The following NT5C1B variants were observed in gnomAD, a reference collection of about 807,000 sequenced individuals.
NT5C1B encodes 5'-nucleotidase, cytosolic IB.
Under a neutral mutation model 57.8 loss-of-function variants are expected in NT5C1B, and 44 were observed. The ratio of observed to expected loss-of-function variants is 0.76; its 90% CI spans 0.60 to 0.98. The LOEUF (loss-of-function observed/expected upper bound fraction) is 0.98. Among genes scored for constraint, NT5C1B ranks in the 50% least tolerant of loss-of-function variants. The probability of loss-of-function intolerance (pLI) is 0.00; values close to 1 mark genes in which losing one functional copy is unlikely to be tolerated. For synonymous variants in NT5C1B, 284 were observed against 282.6 expected, an observed-to-expected ratio of 1.00 and a Z score of -0.05; for missense variants, 742 against 719.5, an observed-to-expected ratio of 1.03 and a Z score of -0.36.
intron 8 of NT5C1B, among the ~76,000 whole-genome samples, chr2:18,569,360 A>T (rs1399841709): frequency 6.6e-6 from 1 of 152,194 alleles, no homozygotes; most frequent in African/African-American, 2.4e-5. Context: ...CAGAAAAAAC[A>T]TAGGAAGATA....
In NT5C1B at chr2:18,571,752, A is replaced by G. The variant is rs182863769; in HGVS notation, c.1329+4432T>C. Among the ~76,000 whole-genome samples the G allele has an allele frequency of 3.7e-4, 24 of 65,502 alleles. 1 individual carries two copies. Among genetic ancestry groups the G allele is most frequent in the African/African-American group, 1.3e-3 (19 of 14,152 alleles). 43.0% of individuals were successfully genotyped at this position (65,502 alleles called of 152,430 possible). On this transcript the variant is annotated intron_variant, in intron 8 of 8. Coordinates refer to ENST00000304081, the Ensembl canonical transcript of NT5C1B. The stretch of plus-strand genomic sequence containing the variant: ...TATATATATATATATATATATATAT[A>G]TATATATATATATGTTAATTTTAAC...
intron 6 of NT5C1B, among the ~76,000 whole-genome samples, chr2:18,580,653 T>C (rs1412029679): frequency 1.3e-5 from 2 of 152,148 alleles, no homozygotes; most frequent in Non-Finnish European, 2.9e-5. Flanking sequence ...CATATCTTCA[T>C]TGCAGGACCA....
chr2:18,589,406 A>G (rs1372572006), intron 1 of NT5C1B, 33 bp downstream of exon 1: 3 of 1,614,032 alleles, frequency 1.9e-6, no homozygotes, highest in Admixed American at 1.7e-5. Flanking sequence ...CTTCAGCCCC[A>G]TGGCAAGATT....
chr2:18,571,726 A>G (rs1485741710), intron 8 of NT5C1B, among the ~76,000 whole-genome samples: 4,151 of 18,096 alleles, frequency 0.23, 183 homozygotes, highest in Admixed American at 0.32. Flanking sequence ...GTGTATATAT[A>G]TATATATATA....
At chr2:18,587,538 C>T (rs1309432516) in exon 2 of NT5C1B, 4 of 1,613,816 alleles carry the variant, frequency 2.5e-6, no homozygotes, top group Non-Finnish European at 3.4e-6. Context: ...TTGTCAGATT[C>T]CTTTCTTTTT....
At position 18,587,928 on chromosome 2, in the gene NT5C1B, A is replaced by G. The variant is rs546342924; in HGVS notation, c.31-336T>C. Among the ~76,000 whole-genome samples, 7 of 152,070 alleles carry G rather than the reference A, an allele frequency of 4.6e-5. No homozygotes were observed. The South Asian group carries it at 6.2e-4, about 14-fold the overall frequency. ...GTAGAATAAGTTTGTTTTTTTTTCT[A>G]TTACTCTGAAGATTGCTACTTATGG... is the stretch of plus-strand genomic sequence containing the variant. On this transcript the variant is annotated intron_variant, in intron 1 of 8. Coordinates refer to ENST00000304081, the Ensembl canonical transcript of NT5C1B.
At chr2:18,569,012 G>GT (rs1396459729) in intron 8 of NT5C1B, among the ~76,000 whole-genome samples, 3 of 152,104 alleles carry the variant, frequency 2.0e-5, no homozygotes, top group African/African-American at 7.2e-5. Flanking sequence ...ACTGAGACCT[G>GT]TTTCAGATTT....
intron 8 of NT5C1B, among the ~76,000 whole-genome samples, chr2:18,574,232 T>TGC (rs1665466503): frequency 6.6e-6 from 1 of 152,084 alleles, no homozygotes; most frequent in African/African-American, 2.4e-5. Flanking sequence ...CTCAACACAT[T>TGC]AATCATCAGA....
rs1003538939 is a variant in NT5C1B at position 18,585,195 on chromosome 2, A to G, written c.259-217T>C. On this transcript the variant is annotated intron_variant, in intron 3 of 8. Transcript: ENST00000304081. ...AGACTGTCTGCTTTCATTCTCCCCT[A>G]GCTTCCCCATAAGCATTTCACACGT... 9 of 785,124 alleles carry G rather than the reference A, an allele frequency of 1.1e-5. No homozygotes were observed. The Admixed American group carries it at 1.5e-4, about 13-fold the overall frequency. The allele number at this position is 785,124 out of a possible 1,614,324, so 48.6% of individuals were successfully genotyped here.
chr2:18,582,774 A>G lies in NT5C1B; in HGVS notation c.1021+94T>C. ...AGAAGGGGGTGTCAGTATCAAAGAC[A>G]CTGCATTTGGTTAAGCCACAGTTAG... On this transcript the variant is annotated intron_variant, in intron 6 of 8. Transcript: ENST00000304081. 2.0e-6 allele frequency: 3 copies of G among 1,522,372 alleles called. No individual in the cohort carries two copies. The Admixed American group carries it at 5.9e-5, about 30-fold the overall frequency. The allele number at this position is 1,522,372 out of a possible 1,614,324, so 94.3% of individuals were successfully genotyped here.
Position 18,584,986 on chromosome 2 carries a change from A to C in NT5C1B, c.259-8T>G. 1 of 1,559,608 alleles carries C rather than the reference A, an allele frequency of 6.4e-7. No individual in the cohort carries two copies. The highest frequency in any genetic ancestry group is 8.6e-7 in the Non-Finnish European group (1 of 1,159,612). On this transcript the variant is annotated splice_polypyrimidine_tract_variant and splice_region_variant and intron_variant, in intron 3 of 8. Coordinates refer to ENST00000304081, the Ensembl canonical transcript of NT5C1B. The surrounding 1 kb of genome is among the most constrained non-coding windows in gnomAD (Gnocchi z 5.8). ...CGTGGAGCTGCTGGGGAGCTGCAGC[A>C]AGACAATGGGCGTCTGAAGTCGAGG...
At chr2:18,588,256 TC>T (rs1666901382) in intron 1 of NT5C1B, among the ~76,000 whole-genome samples, 1 of 152,242 alleles carries the variant, frequency 6.6e-6, no homozygotes, top group African/African-American at 2.4e-5. Context: ...GTTTTCATTT[TC>T]ATTTGGAGGA....
chr2:18,577,532 G>A (rs565525465), intron 6 of NT5C1B, among the ~76,000 whole-genome samples: 13 of 151,118 alleles, frequency 8.6e-5, no homozygotes, highest in African/African-American at 2.7e-4. Flanking sequence ...TGAAATTAAG[G>A]CAGAAATCAA....
At chr2:18,578,263 C>T (rs2148137132) in intron 6 of NT5C1B, among the ~76,000 whole-genome samples, 1 of 152,174 alleles carries the variant, frequency 6.6e-6, no homozygotes, top group South Asian at 2.1e-4. Flanking sequence ...CTCCCTGACT[C>T]ATTTTATTAG....
At chr2:18,576,696 T>C (rs1665707960) in intron 7 of NT5C1B, 77 bp downstream of exon 7, 1 of 1,582,478 alleles carries the variant, frequency 6.3e-7, no homozygotes, top group African/African-American at 1.4e-5. Context: ...AGCCTCATAA[T>C]CATATGCGAA....
intron 8 of NT5C1B, among the ~76,000 whole-genome samples, chr2:18,565,338 A>G (rs1035154105): frequency 2.0e-5 from 3 of 152,242 alleles, no homozygotes; most frequent in African/African-American, 7.2e-5. Context: ...ATGTTGGCCG[A>G]AATTTGTCCT....
intron 2 of NT5C1B, chr2:18,587,092 C>T (rs776257328): frequency 2.5e-6 from 4 of 1,613,890 alleles, no homozygotes; most frequent in South Asian, 1.1e-5. Flanking sequence ...CCCTCAGCTG[C>T]ACAAAGGCAG....
chr2:18,587,161 C>T, intron 2 of NT5C1B: 1 of 1,613,066 alleles, frequency 6.2e-7, no homozygotes, highest in Non-Finnish European at 8.5e-7. Context: ...TTCGGATTGA[C>T]TGCACGCCTC....
Position 18,584,456 on chromosome 2 carries a change from G to T in NT5C1B, c.723+58C>A. ...TCCCTGCGCAGTGGAGAGGAGGGCG[G>T]CTGGAAGAGGCTGCAAGGAAGGGCG... On this transcript the variant is annotated intron_variant, in intron 4 of 8. Transcript: ENST00000304081. This position sits in a 1 kb window ranked among gnomAD's most constrained non-coding sequence, Gnocchi z 5.8. The T allele has an allele frequency of 1.3e-6, 2 of 1,568,792 alleles. No individual in the cohort carries two copies. Among genetic ancestry groups the T allele is most frequent in the East Asian group, 2.4e-5 (1 of 42,514 alleles).
Sources: gnomAD v4.1 joint callset for allele counts (sites outside exome capture counted in the v4.1 genomes callset) on GRCh38, gnomAD v4.1.1 for gene constraint, Gnocchi (gnomAD v3.1) non-coding constraint, MANE v1.5 for transcripts, NCBI Gene and HGNC (gene_info 2026-07-23, HGNC 2026-07-21) for gene names.